Variants in FBLN5 observed in about 807,000 individuals in gnomAD.
FBLN5 encodes the protein fibulin 5.
A neutral mutation model predicts 61.6 loss-of-function variants in FBLN5; 24 were observed. That is an observed-to-expected ratio of 0.39 (90% CI 0.28 to 0.55). FBLN5 has a LOEUF of 0.55. FBLN5 is among the 20% of genes least tolerant of loss of function. The pLI, the probability that FBLN5 is intolerant of heterozygous loss-of-function variation, is 0.65. For missense variants in FBLN5, 470 were observed against 594.1 expected (o/e 0.79, Z 2.17); for synonymous variants, 213 against 219.8 (o/e 0.97, Z 0.27).
chr14:91,917,487 A>G (rs1412519932), intron 4 of FBLN5, among the ~76,000 whole-genome samples: 1 of 147,448 alleles, frequency 6.8e-6, no homozygotes, highest in African/African-American at 2.5e-5. Flanking sequence ...GAGACAGGAG[A>G]ATTGCTTAAA....
intron 6 of FBLN5, among the ~76,000 whole-genome samples, chr14:91,888,532 C>T (rs1436389791): frequency 6.6e-6 from 1 of 151,348 alleles, no homozygotes; most frequent in African/African-American, 2.4e-5. Context: ...TCGCTTGAAC[C>T]CCAGAGGCAG....
intron 4 of FBLN5, among the ~76,000 whole-genome samples, chr14:91,916,681 T>C (rs1264524590): frequency 2.6e-5 from 4 of 152,174 alleles, no homozygotes; most frequent in Non-Finnish European, 2.9e-5. Flanking sequence ...AGGGTGTGTG[T>C]ATGACTGAGA....
intron 4 of FBLN5, among the ~76,000 whole-genome samples, chr14:91,903,890 T>G (rs1165161931): frequency 6.6e-6 from 1 of 152,212 alleles, no homozygotes; most frequent in Non-Finnish European, 1.5e-5. Context: ...CCTCATCAGT[T>G]GTCTGGCAGC....
chr14:91,926,695 A>C (rs1399583890), intron 4 of FBLN5, among the ~76,000 whole-genome samples: 1 of 151,858 alleles, frequency 6.6e-6, no homozygotes, highest in African/African-American at 2.4e-5. Flanking sequence ...GTCTGACCCT[A>C]TGACTGGCAG....
intron 4 of FBLN5, among the ~76,000 whole-genome samples, chr14:91,909,218 G>A (rs1416353318): frequency 6.6e-6 from 1 of 151,950 alleles, no homozygotes; most frequent in Non-Finnish European, 1.5e-5. Flanking sequence ...CGCCCGGCCA[G>A]GAATCAGTAC....
In FBLN5 at chr14:91,947,122, T is replaced by C. The variant is rs1160657788; in HGVS notation, c.17+91A>G. 1 of 1,589,434 alleles carries C rather than the reference T, an allele frequency of 6.3e-7. No homozygotes were observed. The highest frequency in any genetic ancestry group is 8.6e-7 in the Non-Finnish European group (1 of 1,160,436). On this transcript the variant is annotated intron_variant, in intron 1 of 10. Transcript: ENST00000342058. This position sits in a 1 kb window ranked among gnomAD's most constrained non-coding sequence, Gnocchi z 4.3. ...CCTTTTCCAATATCCTGACACCGCCTGAATCGCAGCCATAACCATTTTCCA... is the reference window on the plus strand; with the variant it reads ...CCTTTTCCAATATCCTGACACCGCCCGAATCGCAGCCATAACCATTTTCCA...
chr14:91,890,391 T>A (rs1889936231), intron 6 of FBLN5, among the ~76,000 whole-genome samples: 1 of 152,188 alleles, frequency 6.6e-6, no homozygotes, highest in African/African-American at 2.4e-5. Flanking sequence ...AAAGACCTCA[T>A]TCTGCGTCTG....
In FBLN5 at chr14:91,870,320, C is replaced by G. The variant is rs570775391; in HGVS notation, c.1251G>C (p.Gln417His). ...TRPIKGPREI[Q>H]LDLEMITVNT... ...TGACAGTGATCATTTCCAAGTCCAG[C>G]TGGATTTCCCGGGGCCCTTTGATGG... The change falls in exon 11 of 11, where the codon CAG becomes CAC. Residue 417 changes from glutamine (Q) to histidine (H), a missense_variant. Physicochemically the swap from Gln to His is conservative, Grantham distance 24. Coordinates refer to ENST00000342058, the MANE Select transcript of FBLN5 (RefSeq NM_006329.4). 6.2e-7 allele frequency: 1 copy of G among 1,614,206 alleles called. No individual in the cohort carries two copies. Among genetic ancestry groups the G allele is most frequent in the East Asian group, 2.2e-5 (1 of 44,876 alleles).
intron 3 of FBLN5, 48 bp downstream of exon 3, chr14:91,940,517 C>T (rs1369829456): frequency 3.5e-6 from 5 of 1,447,410 alleles, no homozygotes; most frequent in African/African-American, 1.4e-5. Flanking sequence ...AGCACTGCAA[C>T]TGGGCTGAAT....
intron 9 of FBLN5, 80 bp downstream of exon 9, chr14:91,881,210 ACT>A: frequency 6.5e-7 from 1 of 1,530,942 alleles, no homozygotes; most frequent in South Asian, 1.1e-5. Flanking sequence ...TGGCTGGTGC[ACT>A]CTCTTTCACA....
intron 4 of FBLN5, among the ~76,000 whole-genome samples, chr14:91,921,477 A>T (rs553090406): frequency 3.9e-5 from 6 of 152,290 alleles, no homozygotes; most frequent in African/African-American, 1.4e-4. Context: ...AAACAAATAC[A>T]TAAAAAGCCA....
chr14:91,870,438 G>A, intron 10 of FBLN5, 53 bp from the exon 11 acceptor site: 1 of 1,589,212 alleles, frequency 6.3e-7, no homozygotes, highest in Non-Finnish European at 8.6e-7. Flanking sequence ...TGGTGGCCCT[G>A]CAGCCCCACC....
At chr14:91,879,462 G>A (rs1210662204) in intron 9 of FBLN5, among the ~76,000 whole-genome samples, 2 of 152,196 alleles carry the variant, frequency 1.3e-5, no homozygotes, top group Non-Finnish European at 2.9e-5. Flanking sequence ...CTGGACTGGA[G>A]CCTGGAGTGA....
chr14:91,912,417 G>A (rs1890986609), intron 4 of FBLN5, among the ~76,000 whole-genome samples: 2 of 152,280 alleles, frequency 1.3e-5, no homozygotes, highest in East Asian at 1.9e-4. Context: ...GACCGAGGTG[G>A]GCAGATCACT....
chr14:91,943,943 A>T lies in FBLN5; in HGVS notation c.18-982T>A, dbSNP rs116748441. Among the ~76,000 whole-genome samples, 676 of 152,320 alleles carry T rather than the reference A, an allele frequency of 4.4e-3. 5 individuals are homozygous for T. The highest frequency in any genetic ancestry group is 0.015 in the African/African-American group (618 of 41,578). The stretch of plus-strand genomic sequence containing the variant: ...CACCCTGGGCTCAGTTCTGCCATGC[A>T]CAAGACAGTGATGCTCTGGGAGTCT... On this transcript the variant is annotated intron_variant, in intron 1 of 10. Coordinates refer to ENST00000342058, the MANE Select transcript of FBLN5 (RefSeq NM_006329.4). This position sits in a 1 kb window ranked among gnomAD's most constrained non-coding sequence, Gnocchi z 4.0.
chr14:91,906,692 C>A (rs2140000814), intron 4 of FBLN5, among the ~76,000 whole-genome samples: 1 of 152,352 alleles, frequency 6.6e-6, no homozygotes, highest in Middle Eastern at 3.4e-3. Context: ...TCCTGGATGT[C>A]TCCAGTGAGG....
chr14:91,891,175 A>T, intron 6 of FBLN5, 46 bp downstream of exon 6: 1 of 1,056,678 alleles, frequency 9.5e-7, no homozygotes, highest in Non-Finnish European at 1.5e-6. Flanking sequence ...AGAAGGCTGC[A>T]GCTAGTGTCT....
At chr14:91,884,200 C>T (rs975238052) in intron 7 of FBLN5, among the ~76,000 whole-genome samples, 7 of 152,136 alleles carry the variant, frequency 4.6e-5, no homozygotes, top group Non-Finnish European at 1.0e-4. Flanking sequence ...AGGAAAAACT[C>T]CTTCCTGTCT....
intron 9 of FBLN5, among the ~76,000 whole-genome samples, chr14:91,878,530 G>T (rs901444580): frequency 6.6e-6 from 1 of 152,094 alleles, no homozygotes; most frequent in Admixed American, 6.6e-5. Flanking sequence ...GGTGGCCAAC[G>T]CTAGGAGTCA....
Sources: allele counts gnomAD v4.1 joint callset (sites outside exome capture counted in the v4.1 genomes callset), GRCh38; gene constraint gnomAD v4.1.1; non-coding constraint Gnocchi (gnomAD v3.1); transcripts MANE v1.5; gene names NCBI Gene and HGNC (gene_info 2026-07-23, HGNC 2026-07-21).